Variants in HDAC9 observed in about 807,000 individuals in gnomAD.
HDAC9 encodes histone deacetylase 9, also known as MEF-2 interacting transcription repressor (MITR) protein.
HDAC9 carries 41 observed loss-of-function variants against 139.4 expected under a neutral mutation model. The ratio of observed to expected loss-of-function variants is 0.29; its 90% confidence interval spans 0.23 to 0.38. The LOEUF is 0.38. HDAC9 is among the 10% of genes least tolerant of loss of function. HDAC9 has a pLI of 1.00. For synonymous variants in HDAC9, 517 were observed against 476.2 expected (o/e 1.09, Z -1.12); for missense variants, 1,147 against 1,297.0 (o/e 0.88, Z 1.78).
intron 2 of HDAC9, among the ~76,000 whole-genome samples, chr7:18,513,181 T>G (rs1158350687): frequency 2.0e-5 from 3 of 152,222 alleles, no homozygotes; most frequent in African/African-American, 7.2e-5. Context: ...GCCTATGTAT[T>G]GTATCATGCA....
intron 22 of HDAC9, among the ~76,000 whole-genome samples, chr7:18,934,978 A>G (rs540649620): frequency 2.6e-5 from 4 of 152,320 alleles, no homozygotes; most frequent in South Asian, 4.1e-4. Context: ...CAAAAAAACT[A>G]TAGCTACAGG....
chr7:18,313,727 C>T (rs186710551), intron 1 of HDAC9, among the ~76,000 whole-genome samples: 1 of 152,132 alleles, frequency 6.6e-6, no homozygotes, highest in African/African-American at 2.4e-5. Flanking sequence ...GGAATAATAA[C>T]ATAGCCTTAA....
intron 1 of HDAC9, among the ~76,000 whole-genome samples, chr7:18,470,221 G>T (rs1323143414): frequency 1.3e-5 from 2 of 151,926 alleles, no homozygotes; most frequent in African/African-American, 4.8e-5. Context: ...GCTCAGGCAG[G>T]AGGATCAGTT....
Position 18,682,997 on chromosome 7 carries a change from A to C in HDAC9, c.1731+16521A>C, listed in dbSNP as rs1584831620. On this transcript the variant is annotated intron_variant, in intron 12 of 25. Coordinates refer to ENST00000686413, the MANE Select transcript of HDAC9 (RefSeq NM_178425.4). ...CTCTGCCTCAACAACAACAAAAAAA[A>C]TTTAAAGACAATTTATTTGTTAGCC... Among the ~76,000 whole-genome samples the C allele has an allele frequency of 2.0e-5, 3 of 151,990 alleles. No individual in the cohort carries two copies. The East Asian group carries it at 5.8e-4, about 29-fold the overall frequency.
chr7:18,688,369 T>C (rs570635402), intron 12 of HDAC9, among the ~76,000 whole-genome samples: 1 of 151,996 alleles, frequency 6.6e-6, no homozygotes, highest in Non-Finnish European at 1.5e-5. Flanking sequence ...ATTTCTAGTA[T>C]ATTTATATAC....
chr7:18,435,885 A>C (rs946103635), intron 1 of HDAC9, among the ~76,000 whole-genome samples: 3 of 148,880 alleles, frequency 2.0e-5, no homozygotes, highest in African/African-American at 7.3e-5. Context: ...CAATATATAT[A>C]TGTGTATATA....
chr7:18,499,851 C>G (rs1797922364), intron 2 of HDAC9, among the ~76,000 whole-genome samples: 1 of 151,958 alleles, frequency 6.6e-6, no homozygotes, highest in Non-Finnish European at 1.5e-5. Context: ...CCTTTTGTTC[C>G]TTAGTGTATG....
intron 1 of HDAC9, among the ~76,000 whole-genome samples, chr7:18,489,475 A>G (rs994516505): frequency 6.6e-6 from 1 of 152,062 alleles, no homozygotes; most frequent in African/African-American, 2.4e-5. Flanking sequence ...CCTTATAACA[A>G]TCCTGAGAAA....
intron 13 of HDAC9, among the ~76,000 whole-genome samples, chr7:18,735,643 T>C (rs1786814594): frequency 6.6e-6 from 1 of 152,222 alleles, no homozygotes; most frequent in Non-Finnish European, 1.5e-5. Flanking sequence ...TGTTGCCTTA[T>C]AGTATACTTT....
intron 12 of HDAC9, among the ~76,000 whole-genome samples, chr7:18,714,536 C>G (rs1300742639): frequency 6.6e-6 from 1 of 152,204 alleles, no homozygotes; most frequent in Non-Finnish European, 1.5e-5. Flanking sequence ...TTATGAATAG[C>G]CATGCTGACC....
intron 1 of HDAC9, among the ~76,000 whole-genome samples, chr7:18,378,719 G>C (rs1253701509): frequency 6.6e-6 from 1 of 151,876 alleles, no homozygotes; most frequent in Non-Finnish European, 1.5e-5. Context: ...TCTCTGTTTT[G>C]GAGTAAACAT....
intron 16 of HDAC9, among the ~76,000 whole-genome samples, chr7:18,778,956 C>T (rs1212689675): frequency 6.6e-6 from 1 of 152,082 alleles, no homozygotes; most frequent in African/African-American, 2.4e-5. Context: ...TGGCATGCCC[C>T]TTTTCTCCTC....
At chr7:18,361,890 A>T (rs892280994) in intron 1 of HDAC9, among the ~76,000 whole-genome samples, 4 of 151,622 alleles carry the variant, frequency 2.6e-5, no homozygotes, top group Non-Finnish European at 4.4e-5. Flanking sequence ...TCAGTACATG[A>T]TATGCTATTT....
chr7:18,299,609 G>A lies in HDAC9; in HGVS notation c.-42+9094G>A, dbSNP rs1412781627. On this transcript the variant is annotated intron_variant, in intron 1 of 3. Transcript: ENST00000413509. Reference sequence around the variant, plus strand: ...TTTACAGTCAGGAAAAAAAGGTTTAGTTCACCTTGAGAGGTTAGAGAAAGA... The same window carrying A: ...TTTACAGTCAGGAAAAAAAGGTTTAATTCACCTTGAGAGGTTAGAGAAAGA... Among the ~76,000 whole-genome samples, 5 of 152,174 alleles carry A rather than the reference G, an allele frequency of 3.3e-5. No homozygotes were observed. The East Asian group carries it at 9.6e-4, about 29-fold the overall frequency.
intron 22 of HDAC9, among the ~76,000 whole-genome samples, chr7:18,895,484 G>C (rs1233608851): frequency 3.9e-5 from 6 of 152,036 alleles, no homozygotes; most frequent in Admixed American, 2.0e-4. Flanking sequence ...TAGTATGAAA[G>C]AGTTCTGATT....
chr7:18,543,950 G>A (rs1813863623), intron 2 of HDAC9, among the ~76,000 whole-genome samples: 1 of 151,582 alleles, frequency 6.6e-6, no homozygotes, highest in African/African-American at 2.4e-5. Flanking sequence ...AGCAAGAAAT[G>A]TGACCAGGAA....
chr7:18,705,871 AAATAAAAT>A lies in HDAC9; in HGVS notation c.1732-21706_1732-21699del, dbSNP rs1487554686. ...CTGTCTCAAAAAAAAAAATAAAATA[AAATAAAAT>A]AAAAGAAATGGTTCAGACCCATAGG... On this transcript the variant is annotated intron_variant, in intron 12 of 25. Transcript: ENST00000686413. Among the ~76,000 whole-genome samples the A allele has an allele frequency of 1.0e-4, 15 of 146,050 alleles. 2 individuals are homozygous for A. The East Asian group carries it at 1.8e-3, about 17-fold the overall frequency.
At chr7:18,145,744 G>A (rs1409348554) in intron 1 of HDAC9, among the ~76,000 whole-genome samples, 1 of 152,124 alleles carries the variant, frequency 6.6e-6, no homozygotes, top group Non-Finnish European at 1.5e-5. Context: ...GAATGGATGT[G>A]CTGAATCTTT....
At chr7:18,518,986 A>T (rs1446824804) in intron 2 of HDAC9, among the ~76,000 whole-genome samples, 11 of 152,220 alleles carry the variant, frequency 7.2e-5, no homozygotes. Context: ...TTGAATCTTT[A>T]TGTCCAGAAG....
Sources: allele counts gnomAD v4.1 joint callset (sites outside exome capture counted in the v4.1 genomes callset), GRCh38; gene constraint gnomAD v4.1.1; transcripts MANE v1.5; gene names NCBI Gene and HGNC (gene_info 2026-07-23, HGNC 2026-07-21).